The following CSMD3 variants were observed in gnomAD, a reference collection of about 807,000 sequenced individuals.
The protein encoded by CSMD3 is CUB and sushi domain-containing protein 3.
Under a neutral mutation model 435.2 loss-of-function variants are expected in CSMD3, and 177 were observed. That is an observed-to-expected ratio of 0.41 (90% confidence interval 0.36 to 0.46). The LOEUF is 0.46. Among genes scored for constraint, CSMD3 ranks in the 20% least tolerant of loss-of-function variants. The pLI is 0.34. For missense variants in CSMD3, 4,265 were observed against 4,504.6 expected, an observed-to-expected ratio of 0.95 and a Z score of 1.52; for synonymous variants, 1,656 against 1,520.5, an observed-to-expected ratio of 1.09 and a Z score of -2.07.
At chr8:112,525,547 C>T (rs1464655387) in intron 27 of CSMD3, among the ~76,000 whole-genome samples, 1 of 148,288 alleles carries the variant, frequency 6.7e-6, no homozygotes, top group South Asian at 2.1e-4. Context: ...GGTGAAACCC[C>T]GTCTCTACTA....
chr8:112,314,882 G>A (rs1822320686), intron 47 of CSMD3, among the ~76,000 whole-genome samples: 1 of 151,742 alleles, frequency 6.6e-6, no homozygotes, highest in Admixed American at 6.6e-5. Flanking sequence ...TAAAATATAA[G>A]CCATTTAATG....
At chr8:113,236,156 T>C (rs971375332) in intron 3 of CSMD3, among the ~76,000 whole-genome samples, 4 of 152,196 alleles carry the variant, frequency 2.6e-5, no homozygotes, top group African/African-American at 9.6e-5. Context: ...TAATGATACA[T>C]ATGTTACATG....
intron 3 of CSMD3, among the ~76,000 whole-genome samples, chr8:113,217,745 A>G (rs1257294359): frequency 6.6e-6 from 1 of 151,514 alleles, no homozygotes. Flanking sequence ...ATACACGCAC[A>G]ACTGGAGTCT....
At chr8:112,589,413 A>G (rs1035727042) in intron 22 of CSMD3, among the ~76,000 whole-genome samples, 1 of 152,182 alleles carries the variant, frequency 6.6e-6, no homozygotes, top group Admixed American at 6.5e-5. Context: ...AAATTACTTG[A>G]TATGAAATTA....
chr8:113,361,425 A>G (rs2094275486), intron 1 of CSMD3, among the ~76,000 whole-genome samples: 1 of 152,168 alleles, frequency 6.6e-6, no homozygotes, highest in Non-Finnish European at 1.5e-5. Context: ...TTCCTTAAAT[A>G]TTCTTAACAA....
rs191318577 is a variant in CSMD3 at position 113,284,878 on chromosome 8, T to G, written c.402-6174A>C. Among the ~76,000 whole-genome samples, 577 of 152,278 alleles carry G rather than the reference T, an allele frequency of 3.8e-3. 7 individuals are homozygous for G. The highest frequency in any genetic ancestry group is 0.013 in the African/African-American group (556 of 41,544). ...ATGACATTTTATGTTTCTTTGAAAATTGTACCACAGTCCAGCGGTATTTTC... is the reference window on the plus strand; with the variant it reads ...ATGACATTTTATGTTTCTTTGAAAAGTGTACCACAGTCCAGCGGTATTTTC... On this transcript the variant is annotated intron_variant, in intron 2 of 70. Coordinates refer to ENST00000297405, the MANE Select transcript of CSMD3 (RefSeq NM_198123.2).
chr8:112,698,935 T>A (rs1019717004), intron 13 of CSMD3, among the ~76,000 whole-genome samples: 1 of 152,028 alleles, frequency 6.6e-6, no homozygotes, highest in East Asian at 1.9e-4. Flanking sequence ...AACGCACCAA[T>A]CAGCGCTCCT....
At chr8:112,831,367 A>C (rs1462466772) in intron 11 of CSMD3, among the ~76,000 whole-genome samples, 1 of 150,288 alleles carries the variant, frequency 6.7e-6, no homozygotes, top group Non-Finnish European at 1.5e-5. Context: ...GGTCATGAGC[A>C]GTATTAAACA....
At chr8:112,549,378 A>AAT (rs1360247760) in intron 27 of CSMD3, among the ~76,000 whole-genome samples, 1 of 152,000 alleles carries the variant, frequency 6.6e-6, no homozygotes, top group Non-Finnish European at 1.5e-5. Flanking sequence ...ATTTTCTCAA[A>AAT]ATATATATTT....
intron 13 of CSMD3, among the ~76,000 whole-genome samples, chr8:112,764,428 T>A (rs1037437866): frequency 6.6e-6 from 1 of 151,500 alleles, no homozygotes; most frequent in African/African-American, 2.4e-5. Context: ...ATCGGTGAAT[T>A]TACATTTTAA....
At chr8:112,641,578 T>C (rs1324165101) in intron 20 of CSMD3, among the ~76,000 whole-genome samples, 2 of 152,152 alleles carry the variant, frequency 1.3e-5, no homozygotes, top group Non-Finnish European at 2.9e-5. Flanking sequence ...GGCTCACACC[T>C]GTAATCCCAG....
intron 11 of CSMD3, among the ~76,000 whole-genome samples, chr8:112,835,481 T>C (rs556595035): frequency 6.6e-6 from 1 of 151,982 alleles, no homozygotes; most frequent in African/African-American, 2.4e-5. Context: ...TTATTCTGGC[T>C]GCCCAGCACC....
In CSMD3 at chr8:112,587,292, A is replaced by G. The variant is rs929839159; in HGVS notation, c.3716-57T>C. 151 of 1,266,982 alleles carry G rather than the reference A, an allele frequency of 1.2e-4. 1 individual carries two copies. Among genetic ancestry groups the G allele is most frequent in the South Asian group, 2.6e-4 (22 of 83,848 alleles). 78.5% of individuals were successfully genotyped at this position (1,266,982 alleles called of 1,614,324 possible). On this transcript the variant is annotated intron_variant, in intron 22 of 70. Transcript: ENST00000297405. ...TTAATAGATAGCAGTATCATTTTCA[A>G]GCAATATCATGTATGGAAGTGTTAT...
At chr8:113,109,278 G>C (rs1237479479) in intron 4 of CSMD3, among the ~76,000 whole-genome samples, 1 of 152,162 alleles carries the variant, frequency 6.6e-6, no homozygotes, top group Non-Finnish European at 1.5e-5. Context: ...AGCTCTAATA[G>C]TCTTAGCTAA....
At chr8:113,408,268 T>C (rs901050425) in intron 1 of CSMD3, among the ~76,000 whole-genome samples, 2 of 152,174 alleles carry the variant, frequency 1.3e-5, no homozygotes, top group Non-Finnish European at 2.9e-5. Flanking sequence ...TCACTATTGT[T>C]ATAATGTTAC....
chr8:113,290,749 T>C (rs1361964616), intron 2 of CSMD3, among the ~76,000 whole-genome samples: 3 of 151,728 alleles, frequency 2.0e-5, no homozygotes, highest in Admixed American at 6.6e-5. Flanking sequence ...ACATGATTTA[T>C]GGACTAATTT....
chr8:113,015,368 T>A (rs555440053), intron 6 of CSMD3, among the ~76,000 whole-genome samples: 1 of 152,040 alleles, frequency 6.6e-6, no homozygotes, highest in African/African-American at 2.4e-5. Flanking sequence ...TATTAATATA[T>A]CTTTATTTCA....
At chr8:113,180,017 G>T (rs1451564650) in intron 3 of CSMD3, among the ~76,000 whole-genome samples, 1 of 151,822 alleles carries the variant, frequency 6.6e-6, no homozygotes, top group African/African-American at 2.4e-5. Flanking sequence ...CTACAGAATT[G>T]CATAATTATT....
intron 12 of CSMD3, among the ~76,000 whole-genome samples, chr8:112,825,909 G>A (rs1333516218): frequency 3.3e-5 from 5 of 151,872 alleles, no homozygotes; most frequent in African/African-American, 1.2e-4. Flanking sequence ...CGTCTGGTCT[G>A]CCTGGATTGC....
Sources: allele counts gnomAD v4.1 joint callset (sites outside exome capture counted in the v4.1 genomes callset), GRCh38; gene constraint gnomAD v4.1.1; transcripts MANE v1.5; gene names NCBI Gene and HGNC (gene_info 2026-07-23, HGNC 2026-07-21).